Variants in OTOGL observed in about 807,000 individuals in gnomAD.
OTOGL encodes otogelin like.
A neutral mutation model predicts 318.5 loss-of-function variants in OTOGL; 285 were observed. The ratio of observed to expected loss-of-function variants is 0.89; its 90% CI spans 0.81 to 0.99. The LOEUF is 0.99. Ranked by LOEUF, OTOGL falls within the 50% of genes least tolerant of loss-of-function variation. The probability of loss-of-function intolerance (pLI) is 0.00; values close to 1 mark genes in which losing one functional copy is unlikely to be tolerated. For missense variants in OTOGL, 2,899 were observed against 2,845.6 expected (o/e 1.02, Z -0.43); for synonymous variants, 987 against 936.5 (o/e 1.05, Z -0.99).
At chr12:80,296,392 A>T (rs1330892107) in intron 26 of OTOGL, among the ~76,000 whole-genome samples, 1 of 152,232 alleles carries the variant, frequency 6.6e-6, no homozygotes, top group African/African-American at 2.4e-5. Flanking sequence ...CAAATACCAA[A>T]GTTTTGTATC....
intron 1 of OTOGL, among the ~76,000 whole-genome samples, chr12:80,118,400 A>C (rs1186021245): frequency 6.6e-6 from 1 of 152,170 alleles, no homozygotes; most frequent in Admixed American, 6.5e-5. Flanking sequence ...ATGATCTCAC[A>C]GCGCTAGGAG....
intron 32 of OTOGL, among the ~76,000 whole-genome samples, chr12:80,314,823 C>T (rs7485808): frequency 0.029 from 4,369 of 152,108 alleles, 155 homozygotes; most frequent in Admixed American, 0.098. Context: ...TTAGCATATC[C>T]ATCACCTCAA....
intron 18 of OTOGL, among the ~76,000 whole-genome samples, chr12:80,259,210 A>G (rs1213948615): frequency 6.6e-6 from 1 of 151,070 alleles, no homozygotes; most frequent in Non-Finnish European, 1.5e-5. Flanking sequence ...ATAAATGCTG[A>G]GGTGATTCTA....
intron 1 of OTOGL, among the ~76,000 whole-genome samples, chr12:80,181,301 CT>C (rs1874904002): frequency 6.6e-6 from 1 of 151,498 alleles, no homozygotes; most frequent in African/African-American, 2.4e-5. Flanking sequence ...CCCCTTACCC[CT>C]GTATTTAGAT....
At chr12:80,207,131 G>C (rs1413792503) in intron 1 of OTOGL, among the ~76,000 whole-genome samples, 1 of 151,982 alleles carries the variant, frequency 6.6e-6, no homozygotes, top group Non-Finnish European at 1.5e-5. Context: ...ATTATAAAAT[G>C]TTTATTTTAT....
At chr12:80,335,825 T>C (rs1888355621) in intron 38 of OTOGL, 138 bp from the exon 39 acceptor site, 1 of 698,442 alleles carries the variant, frequency 1.4e-6, no homozygotes, top group African/African-American at 1.9e-5. Flanking sequence ...AGTTGCAGCA[T>C]AATTTTAATT....
chr12:80,268,156 C>T (rs1883140635), intron 22 of OTOGL, among the ~76,000 whole-genome samples: 1 of 152,052 alleles, frequency 6.6e-6, no homozygotes. Flanking sequence ...ACATATAATT[C>T]CTAACCTCCC....
intron 57 of OTOGL, among the ~76,000 whole-genome samples, chr12:80,372,648 A>C (rs893698685): frequency 4.6e-5 from 7 of 151,908 alleles, no homozygotes; most frequent in African/African-American, 1.7e-4. Context: ...TGAATGCAAT[A>C]TATTTTTTAT....
At chr12:80,317,524 G>T (rs568681279) in intron 32 of OTOGL, among the ~76,000 whole-genome samples, 105 of 152,198 alleles carry the variant, frequency 6.9e-4, no homozygotes, top group African/African-American at 2.3e-3. Context: ...ATTCATGAGG[G>T]TGCTTCAAGT....
chr12:80,243,866 TATAC>T (rs201756746), intron 11 of OTOGL, among the ~76,000 whole-genome samples: 6,534 of 147,626 alleles, frequency 0.044, 482 homozygotes, highest in African/African-American at 0.15. Flanking sequence ...TATATATATA[TATAC>T]GATTCCATTA....
intron 1 of OTOGL, among the ~76,000 whole-genome samples, chr12:80,205,952 T>C (rs1055813682): frequency 6.6e-6 from 1 of 152,212 alleles, no homozygotes; most frequent in Non-Finnish European, 1.5e-5. Context: ...TTGAGGCCAA[T>C]AGGCTGTCAG....
intron 1 of OTOGL, among the ~76,000 whole-genome samples, chr12:80,125,143 C>T (rs1023262047): frequency 6.6e-6 from 1 of 152,146 alleles, no homozygotes; most frequent in Non-Finnish European, 1.5e-5. Context: ...CTTCCAGGTT[C>T]TGCCCATTCA....
chr12:80,160,238 G>T (rs190937815), intron 1 of OTOGL, among the ~76,000 whole-genome samples: 1 of 151,486 alleles, frequency 6.6e-6, no homozygotes, highest in Non-Finnish European at 1.5e-5. Flanking sequence ...AAGTAAATAG[G>T]TGGGACTTAA....
At chr12:80,237,666 G>A (rs1176022254) in intron 9 of OTOGL, among the ~76,000 whole-genome samples, 1 of 152,076 alleles carries the variant, frequency 6.6e-6, no homozygotes, top group Non-Finnish European at 1.5e-5. Context: ...GGGAGAACAG[G>A]GCCCAGCTCA....
At position 80,265,038 on chromosome 12, in the gene OTOGL, G is replaced by A. The variant is rs766120025; in HGVS notation, c.2052G>A (p.Glu684=). 3.1e-6 allele frequency: 5 copies of A among 1,613,906 alleles called. No homozygotes were observed. Among genetic ancestry groups the A allele is most frequent in the Non-Finnish European group, 4.2e-6 (5 of 1,179,858 alleles). The change falls in exon 20 of 59, where the codon GAG becomes GAA. Residue 684 remains glutamate (E), a synonymous_variant. Transcript: ENST00000547103. ...CACACTGTGATGTCATCCACCAGGA[G>A]CTCTTTGCTCCTTGCCACATCTATA... is the stretch of plus-strand genomic sequence containing the variant. The part of the protein sequence containing the change: ...YAAHCDVIHQ[E]LFAPCHIYIS...
rs532719963 is a variant in OTOGL, at chr12:80,189,460, A to AT, written c.-19-19944dup. The stretch of plus-strand genomic sequence containing the variant: ...TCAAGTCTCATAAGAATGAGGTTGG[A>AT]TTTTTTTTTCTTTAACTTCTCCTGC... On this transcript the variant is annotated intron_variant, in intron 1 of 58. Coordinates refer to ENST00000547103, the MANE Select transcript of OTOGL (RefSeq NM_001378609.3). The AT allele has an allele frequency of 2.4e-3, 2,315 of 980,618 alleles. 41 individuals are homozygous for AT. In the African/African-American group the frequency reaches 0.035, roughly 15 times the overall value. The allele number at this position is 980,618 out of a possible 1,614,324, so 60.7% of individuals were successfully genotyped here. A position where few individuals can be genotyped will look rare whatever the true frequency, so the allele number is the denominator to read the frequency against.
rs529816693 is a variant in OTOGL, at chr12:80,149,442, C to G, written c.-20+49837C>G. 6.6e-5 allele frequency among the ~76,000 whole-genome samples: 10 copies of G among 152,292 alleles called. No individual in the cohort carries two copies. In the East Asian group the frequency reaches 1.9e-3, roughly 29 times the overall value. ...CTGCCCGTTCTCAGATCTCCAGTTG[C>G]GTACTGGGAGAACCACTGCTCTCTT... On this transcript the variant is annotated intron_variant, in intron 1 of 58. Coordinates refer to ENST00000547103, the MANE Select transcript of OTOGL (RefSeq NM_001378609.3).
In OTOGL at chr12:80,254,510, A is replaced by G. The variant is rs562509940; in HGVS notation, c.1395-14A>G. 1.5e-5 allele frequency: 24 copies of G among 1,595,190 alleles called. No individual in the cohort carries two copies. In the East Asian group the frequency reaches 4.5e-4, roughly 30 times the overall value. On this transcript the variant is annotated splice_polypyrimidine_tract_variant and intron_variant, in intron 14 of 58. Transcript: ENST00000547103. ...TCTATGCCAATAGATTAATATTTTT[A>G]TAATTTCTTTTAGTGTGTGTGTTGG...
Position 80,360,038 on chromosome 12 carries a change from A to G in OTOGL, c.6267+1138A>G, listed in dbSNP as rs1020996121. 3.9e-5 allele frequency among the ~76,000 whole-genome samples: 6 copies of G among 152,226 alleles called. No homozygotes were observed. In the South Asian group the frequency reaches 1.0e-3, roughly 26 times the overall value. ...TCCTTATTCTTTCTACTTTGCCTTAACTCTTTATTTCCCTTAGAAAATGTA... is the reference window on the plus strand; with the variant it reads ...TCCTTATTCTTTCTACTTTGCCTTAGCTCTTTATTTCCCTTAGAAAATGTA... On this transcript the variant is annotated intron_variant, in intron 52 of 58. Coordinates refer to ENST00000547103, the MANE Select transcript of OTOGL (RefSeq NM_001378609.3).
Sources: allele counts gnomAD v4.1 joint callset (sites outside exome capture counted in the v4.1 genomes callset), GRCh38; gene constraint gnomAD v4.1.1; transcripts MANE v1.5; gene names NCBI Gene and HGNC (gene_info 2026-07-23, HGNC 2026-07-21).